Variants in APLP2 observed in about 807,000 individuals in gnomAD.
The protein encoded by APLP2 is CDEI box-binding protein.
Under a neutral mutation model 89.9 loss-of-function variants are expected in APLP2, and 53 were observed. The ratio of observed to expected loss-of-function variants is 0.59; its 90% CI spans 0.47 to 0.74. The LOEUF (loss-of-function observed/expected upper bound fraction) is 0.74, where lower values mean the gene tolerates loss of function less well. Among genes scored for constraint, APLP2 ranks in the 30% least tolerant of loss-of-function variants. APLP2 has a pLI of 0.00. For synonymous variants in APLP2, 372 were observed against 348.6 expected (o/e 1.07, Z -0.75); for missense variants, 973 against 975.9 (o/e 1.00, Z 0.04).
At chr11:130,139,464 A>G (rs1289661134) in intron 13 of APLP2, 1 of 152,212 alleles carries the variant, frequency 6.6e-6, no homozygotes, top group Non-Finnish European at 1.5e-5. Flanking sequence ...AGACGTTTAT[A>G]TTGAACTGTA....
In APLP2 at chr11:130,105,797, G is replaced by A. The variant is rs373717419; in HGVS notation, c.106-3632G>A. 2.1e-4 allele frequency among the ~76,000 whole-genome samples: 31 copies of A among 147,548 alleles called. No individual in the cohort carries two copies. In the South Asian group the frequency reaches 5.2e-3, roughly 25 times the overall value. ...CTGCTCACCGCAACATCTGCCTCCC[G>A]GGTCCAGGCAGTTCTCCTGCCTCAG... On this transcript the variant is annotated intron_variant, in intron 1 of 16. Transcript: ENST00000338167.
At chr11:130,082,465 T>G (rs1943338502) in intron 1 of APLP2, 1 of 153,488 alleles carries the variant, frequency 6.5e-6, no homozygotes, top group Non-Finnish European at 1.5e-5. Flanking sequence ...ATTACAGGCG[T>G]GAGCCACCTC....
intron 9 of APLP2, 63 bp from the exon 10 acceptor site, chr11:130,128,985 G>T: frequency 6.4e-7 from 1 of 1,558,480 alleles, no homozygotes; most frequent in Admixed American, 1.8e-5. Flanking sequence ...GGGTCTCAGG[G>T]TGCTTGCTTA....
At chr11:130,088,868 C>T (rs891844810) in intron 1 of APLP2, among the ~76,000 whole-genome samples, 4 of 151,854 alleles carry the variant, frequency 2.6e-5, no homozygotes, top group African/African-American at 9.7e-5. Flanking sequence ...TCTGCCTAAT[C>T]TCTAGGCTTA....
chr11:130,087,838 A>G (rs2135486357), intron 1 of APLP2, among the ~76,000 whole-genome samples: 1 of 152,348 alleles, frequency 6.6e-6, no homozygotes, highest in African/African-American at 2.4e-5. Flanking sequence ...CTACATTAAA[A>G]AAAATCCTGC....
Position 130,140,433 on chromosome 11 carries a change from G to C in APLP2, c.1873G>C (p.Gly625Arg), listed in dbSNP as rs192574045. ...GGGAGAGCAGGATGGGGGACTGATC[G>C]GTGCCGAAGAGAAAGTGATTAACAG... The part of the protein sequence containing the change: ...GVGEQDGGLI[G>R]AEEKVINSKN... The change falls in exon 14 of 17, where the codon GGT (glycine) becomes CGT (arginine). Residue 625 changes from glycine (G) to arginine (R), a missense_variant. Transcript: ENST00000338167. 3.7e-6 allele frequency: 6 copies of C among 1,611,208 alleles called. No homozygotes were observed. The highest frequency in any genetic ancestry group is 2.7e-5 in the African/African-American group (2 of 74,756).
intron 1 of APLP2, among the ~76,000 whole-genome samples, chr11:130,103,610 C>T (rs1947237196): frequency 6.6e-6 from 1 of 152,176 alleles, no homozygotes; most frequent in Admixed American, 6.5e-5. Flanking sequence ...CTCTTGCGGT[C>T]TTTTAGCCAA....
In APLP2 at chr11:130,135,669, ACCGTTCCAC is replaced by A. The variant is rs772611309; in HGVS notation, c.1794_1802del (p.His603_Phe605del). The A allele has an allele frequency of 3.7e-5, 60 of 1,613,954 alleles. No individual in the cohort carries two copies. In the African/African-American group the frequency reaches 6.5e-4, roughly 18 times the overall value. The stretch of plus-strand genomic sequence containing the variant: ...GCTCTGAGGAGAGTGAGGAGATCCC[ACCGTTCCAC>A]CCCTTCCACCCCTTCCCAGCCCTAC... On this transcript the variant is annotated inframe_deletion, in exon 13 of 17. Coordinates refer to ENST00000338167, the MANE Select transcript of APLP2 (RefSeq NM_001142276.2).
intron 3 of APLP2, among the ~76,000 whole-genome samples, chr11:130,117,798 C>T (rs1044927527): frequency 1.3e-5 from 2 of 152,200 alleles, no homozygotes; most frequent in African/African-American, 4.8e-5. Flanking sequence ...TCTGACCAGG[C>T]GCAGTGGCTC....
intron 1 of APLP2, among the ~76,000 whole-genome samples, chr11:130,088,847 C>T (rs900750017): frequency 3.3e-5 from 5 of 151,918 alleles, no homozygotes; most frequent in East Asian, 3.9e-4. Context: ...GCACAGTCTC[C>T]CCCAGGTGGT....
chr11:130,112,914 G>A (rs983518318), intron 3 of APLP2, among the ~76,000 whole-genome samples: 6 of 152,150 alleles, frequency 3.9e-5, no homozygotes, highest in Non-Finnish European at 8.8e-5. Flanking sequence ...GCACCATCCA[G>A]CTCTCAGCAT....
intron 3 of APLP2, among the ~76,000 whole-genome samples, chr11:130,111,219 T>C (rs1329384331): frequency 6.6e-6 from 1 of 152,140 alleles, no homozygotes; most frequent in African/African-American, 2.4e-5. Flanking sequence ...CAGAGCCAAT[T>C]TGAGTAAAAC....
chr11:130,120,105 T>G (rs536610696), intron 3 of APLP2, among the ~76,000 whole-genome samples: 45 of 152,280 alleles, frequency 3.0e-4, no homozygotes, highest in African/African-American at 1.0e-3. Flanking sequence ...ACTGTGTAGG[T>G]GATATATTAT....
At chr11:130,117,937 C>T (rs972051758) in intron 3 of APLP2, among the ~76,000 whole-genome samples, 1 of 151,882 alleles carries the variant, frequency 6.6e-6, no homozygotes, top group South Asian at 2.1e-4. Flanking sequence ...ATTAGACGGG[C>T]GTGGTGGCAC....
chr11:130,128,582 CTT>C (rs554576778), intron 9 of APLP2, among the ~76,000 whole-genome samples: 1 of 152,216 alleles, frequency 6.6e-6, no homozygotes, highest in Non-Finnish European at 1.5e-5. Context: ...CCCTTCATGA[CTT>C]TATTGATAGT....
rs770831449 is a variant in APLP2, at chr11:130,122,390, G to T, written c.799G>T (p.Val267Leu). The T allele has an allele frequency of 1.2e-6, 2 of 1,614,106 alleles. No individual in the cohort carries two copies. Among genetic ancestry groups the T allele is most frequent in the African/African-American group, 1.3e-5 (1 of 74,936 alleles). Residue 267 changes from valine to leucine, a missense_variant, in exon 6 of 17, where the codon GTG becomes TTG. By Grantham distance (32) the Val-to-Leu change is conservative. Transcript: ENST00000338167. ...DDEDEEEGEE[V>L]VEDRDYYYDT... ...TGAGGATGAGGAAGAAGGGGAGGAA[G>T]TGGTGGAGGACCGAGATTACTACTA...
At chr11:130,118,995 A>G (rs1218177909) in intron 3 of APLP2, among the ~76,000 whole-genome samples, 1 of 151,820 alleles carries the variant, frequency 6.6e-6, no homozygotes, top group African/African-American at 2.4e-5. Context: ...CACATCAGCA[A>G]CTCCCTTTCT....
At chr11:130,082,181 T>C (rs1349458553) in intron 1 of APLP2, among the ~76,000 whole-genome samples, 2 of 119,544 alleles carry the variant, frequency 1.7e-5, no homozygotes, top group African/African-American at 7.3e-5. Flanking sequence ...AAAACTTCAT[T>C]TTTTTTTTTG....
At chr11:130,070,179 CGGTGCGGCGCCGGG>C (rs1355767327) in intron 1 of APLP2, 97 bp downstream of exon 1, 5 of 720,786 alleles carry the variant, frequency 6.9e-6, no homozygotes, top group South Asian at 5.6e-5. Context: ...GGCGGGCCGG[CGGTGCGGCGCCGGG>C]GGTCCGGCTC....
Sources: allele counts gnomAD v4.1 joint callset (sites outside exome capture counted in the v4.1 genomes callset), GRCh38; gene constraint gnomAD v4.1.1; transcripts MANE v1.5; gene names NCBI Gene and HGNC (gene_info 2026-07-23, HGNC 2026-07-21).